PCDH9: variants seen among roughly 807,000 people sequenced by gnomAD.
PCDH9 encodes protocadherin-9.
In PCDH9, 24 loss-of-function variants were observed where a neutral mutation model predicts 70.6. The ratio of observed to expected loss-of-function variants is 0.34; its 90% CI spans 0.25 to 0.48. PCDH9 has a LOEUF of 0.48. PCDH9 is among the 20% of genes least tolerant of loss of function. The pLI is 0.99. For synonymous variants in PCDH9, 562 were observed against 558.5 expected (o/e 1.01, Z -0.09); for missense variants, 1,281 against 1,503.6 (o/e 0.85, Z 2.45).
intron 4 of PCDH9, among the ~76,000 whole-genome samples, chr13:66,573,470 G>A (rs2076764817): frequency 6.6e-6 from 1 of 151,878 alleles, no homozygotes; most frequent in Non-Finnish European, 1.5e-5. Context: ...ACTCAATTCA[G>A]CTATCCTCTC....
intron 4 of PCDH9, among the ~76,000 whole-genome samples, chr13:66,523,965 C>T (rs1218050805): frequency 6.6e-6 from 1 of 151,880 alleles, no homozygotes; most frequent in East Asian, 1.9e-4. Flanking sequence ...GATCGATATT[C>T]AGAGGTAATC....
At chr13:67,130,851 G>T (rs919553231) in intron 2 of PCDH9, among the ~76,000 whole-genome samples, 19 of 151,874 alleles carry the variant, frequency 1.3e-4, no homozygotes, top group Non-Finnish European at 2.8e-4. Context: ...CCCTACTTCT[G>T]CAGGTTTTAT....
At chr13:66,542,030 T>G (rs17081494) in intron 4 of PCDH9, among the ~76,000 whole-genome samples, 7,651 of 152,206 alleles carry the variant, frequency 0.05, 648 homozygotes, top group African/African-American at 0.17. Context: ...CTTGCGCATA[T>G]AGATAAAATG....
chr13:66,305,061 G>A, intron 4 of PCDH9, 33 bp from the exon 5 acceptor site: 1 of 1,535,136 alleles, frequency 6.5e-7, no homozygotes, highest in Non-Finnish European at 8.7e-7. Context: ...AATAAGAAAA[G>A]GAAGTGGTTA....
chr13:67,204,544 G>A (rs2089293826), intron 2 of PCDH9: 1 of 152,112 alleles, frequency 6.6e-6, no homozygotes, highest in South Asian at 2.1e-4. Flanking sequence ...ACAAGTGCAT[G>A]CTGAAAAGCT....
At chr13:66,719,464 G>A (rs1378349555) in intron 3 of PCDH9, among the ~76,000 whole-genome samples, 1 of 152,126 alleles carries the variant, frequency 6.6e-6, no homozygotes, top group Non-Finnish European at 1.5e-5. Context: ...TCCACCATGT[G>A]AGGACTCAGT....
At chr13:66,704,021 T>C (rs1409426546) in intron 3 of PCDH9, among the ~76,000 whole-genome samples, 2 of 152,256 alleles carry the variant, frequency 1.3e-5, no homozygotes, top group Admixed American at 6.5e-5. Context: ...AGATTATACA[T>C]GCCGCGTGGT....
chr13:66,916,415 C>T (rs1290384239), intron 2 of PCDH9, among the ~76,000 whole-genome samples: 1 of 151,534 alleles, frequency 6.6e-6, no homozygotes, highest in Non-Finnish European at 1.5e-5. Context: ...TCTGAAGGAA[C>T]TATCTGCTTA....
intron 2 of PCDH9, among the ~76,000 whole-genome samples, chr13:67,032,261 A>G (rs2084922794): frequency 1.3e-5 from 2 of 152,060 alleles, no homozygotes; most frequent in African/African-American, 4.8e-5. Flanking sequence ...TTCCCACCTC[A>G]ACCTCGCAAG....
chr13:66,393,987 A>G (rs1593906521), intron 4 of PCDH9, among the ~76,000 whole-genome samples: 2 of 152,216 alleles, frequency 1.3e-5, no homozygotes, highest in Admixed American at 6.5e-5. Context: ...AGATTATACT[A>G]TGACTGACGG....
chr13:67,153,254 T>C (rs2087708130), intron 2 of PCDH9, among the ~76,000 whole-genome samples: 1 of 151,984 alleles, frequency 6.6e-6, no homozygotes, highest in Non-Finnish European at 1.5e-5. Flanking sequence ...CTCAAACTCC[T>C]GGGTCCAAGC....
At chr13:67,217,041 A>C (rs1018659754) in intron 2 of PCDH9, 1 of 152,026 alleles carries the variant, frequency 6.6e-6, no homozygotes, top group Non-Finnish European at 1.5e-5. Flanking sequence ...GCCGAATCCT[A>C]TGTAGCTGTG....
intron 4 of PCDH9, among the ~76,000 whole-genome samples, chr13:66,455,316 GTTTTTGAACAC>G (rs1459603604): frequency 1.3e-5 from 2 of 151,452 alleles, no homozygotes; most frequent in Non-Finnish European, 2.9e-5. Context: ...GTAGAATTGT[GTTTTTGAACAC>G]ATTCTTCTTC....
chr13:67,128,301 A>T (rs1418909283), intron 2 of PCDH9, among the ~76,000 whole-genome samples: 1 of 152,222 alleles, frequency 6.6e-6, no homozygotes, highest in Non-Finnish European at 1.5e-5. Context: ...CAACCCCCAG[A>T]CATGTCAATC....
chr13:66,792,360 G>C (rs996203717), intron 3 of PCDH9, among the ~76,000 whole-genome samples: 1 of 152,098 alleles, frequency 6.6e-6, no homozygotes, highest in African/African-American at 2.4e-5. Context: ...GACCATATAT[G>C]TGCAGCTTGT....
At chr13:66,466,644 C>T (rs1016892829) in intron 4 of PCDH9, among the ~76,000 whole-genome samples, 8 of 152,208 alleles carry the variant, frequency 5.3e-5, no homozygotes, top group South Asian at 4.1e-4. Flanking sequence ...ACTTCCATCA[C>T]GTTAATTTAT....
intron 3 of PCDH9, among the ~76,000 whole-genome samples, chr13:66,823,289 T>C (rs986260209): frequency 1.3e-5 from 2 of 151,992 alleles, no homozygotes; most frequent in African/African-American, 2.4e-5. Flanking sequence ...AATTGCCTTT[T>C]TGATGACCAC....
At chr13:66,546,823 T>C (rs1961226001) in intron 4 of PCDH9, among the ~76,000 whole-genome samples, 1 of 152,196 alleles carries the variant, frequency 6.6e-6, no homozygotes, top group Admixed American at 6.5e-5. Context: ...TTACTGTGTC[T>C]TTCCTATGTT....
At chr13:67,143,943 C>A (rs1352728466) in intron 2 of PCDH9, among the ~76,000 whole-genome samples, 1 of 152,272 alleles carries the variant, frequency 6.6e-6, no homozygotes, top group Non-Finnish European at 1.5e-5. Flanking sequence ...TGCATCTGTA[C>A]GTTTTGGGAG....
Sources: allele counts gnomAD v4.1 joint callset (sites outside exome capture counted in the v4.1 genomes callset), GRCh38; gene constraint gnomAD v4.1.1; transcripts MANE v1.5; gene names NCBI Gene and HGNC (gene_info 2026-07-23, HGNC 2026-07-21).